The following ANK2 variants were observed in gnomAD, a reference collection of about 807,000 sequenced individuals.
ANK2 encodes the protein ankyrin 2.
Under a neutral mutation model 360.5 loss-of-function variants are expected in ANK2, and 83 were observed. The observed-to-expected ratio is 0.23, with a 90% CI of 0.19 to 0.28. The LOEUF (loss-of-function observed/expected upper bound fraction) is 0.28. ANK2 is among the 10% of genes least tolerant of loss of function. The pLI, the probability that ANK2 is intolerant of heterozygous loss-of-function variation, is 1.00. For synonymous variants in ANK2, 1,740 were observed against 1,759.5 expected (o/e 0.99, Z 0.28); for missense variants, 4,201 against 4,795.7 (o/e 0.88, Z 3.66).
chr4:113,203,701 T>C (rs1277061962), intron 4 of ANK2, among the ~76,000 whole-genome samples: 1 of 152,190 alleles, frequency 6.6e-6, no homozygotes, highest in Non-Finnish European at 1.5e-5. Context: ...TAGTGTGTTG[T>C]GTACATTATC....
intron 1 of ANK2, among the ~76,000 whole-genome samples, chr4:113,083,117 G>A (rs564367471): frequency 6.6e-6 from 1 of 151,702 alleles, no homozygotes; most frequent in Admixed American, 6.6e-5. Context: ...AAGTTTTAGG[G>A]TATATGTGCA....
At chr4:113,242,252 T>C (rs749867869) in intron 9 of ANK2, 43 bp downstream of exon 9, 5 of 1,567,056 alleles carry the variant, frequency 3.2e-6, no homozygotes, top group Non-Finnish European at 3.5e-6. Context: ...TTATTATTTC[T>C]TTCAAGCCTC....
At chr4:112,779,595 C>T in the ANK2 span, among the ~76,000 whole-genome samples, 1 of 152,160 alleles carries the variant, frequency 6.6e-6, no homozygotes. Flanking sequence ...TTCTTATTTA[C>T]TTACACAATG....
intron 4 of ANK2, among the ~76,000 whole-genome samples, chr4:113,226,823 C>T (rs1052173292): frequency 6.6e-6 from 1 of 152,198 alleles, no homozygotes; most frequent in Non-Finnish European, 1.5e-5. Context: ...ACCTGTTGGT[C>T]ACACCAGAAC....
At chr4:113,015,643 C>A (rs75263278) in intron 2 of ANK2, among the ~76,000 whole-genome samples, 9,811 of 152,212 alleles carry the variant, frequency 0.064, 340 homozygotes, top group East Asian at 0.12. Context: ...ATTTTCCATG[C>A]AAACTTCGTG....
rs2095955950 is a variant in ANK2, at chr4:113,358,415, A to T, written c.9797A>T (p.Tyr3266Phe). 1 of 1,613,958 alleles carries T rather than the reference A, an allele frequency of 6.2e-7. No individual in the cohort carries two copies. The highest frequency in any genetic ancestry group is 8.5e-7 in the Non-Finnish European group (1 of 1,179,972). The change falls in exon 38 of 46, where the codon TAT (tyrosine) becomes TTT (phenylalanine). Residue 3266 changes from tyrosine (Y) to phenylalanine (F), a missense_variant. Coordinates refer to ENST00000357077, the MANE Select transcript of ANK2 (RefSeq NM_001148.6). ...LDFSTLTRSVYSDRGDDSPDS... is the reference protein window; with the variant it reads ...LDFSTLTRSVFSDRGDDSPDS... ...TTTTCCACACTCACCAGGTCTGTTT[A>T]TTCAGATAGGGGTGATGATTCTCCC...
the ANK2 span, among the ~76,000 whole-genome samples, chr4:112,767,430 A>G: frequency 2.0e-5 from 3 of 152,114 alleles, no homozygotes; most frequent in South Asian, 2.1e-4. Flanking sequence ...GTGTGGTGGC[A>G]TGTGTCTGTA....
intron 14 of ANK2, 95 bp downstream of exon 14, chr4:113,265,090 AC>A: frequency 8.8e-7 from 1 of 1,139,912 alleles, no homozygotes; most frequent in Non-Finnish European, 1.3e-6. Flanking sequence ...ATTTGGAAAT[AC>A]CAGGGACTGT....
chr4:112,771,395 G>T, the ANK2 span, among the ~76,000 whole-genome samples: 1 of 152,312 alleles, frequency 6.6e-6, no homozygotes, highest in African/African-American at 2.4e-5. Flanking sequence ...TGGGATTACA[G>T]GCGTGAGCCA....
intron 1 of ANK2, among the ~76,000 whole-genome samples, chr4:113,119,456 A>G (rs1208727920): frequency 6.6e-6 from 1 of 152,064 alleles, no homozygotes; most frequent in Non-Finnish European, 1.5e-5. Context: ...TTACCTCATC[A>G]TCATACCTTA....
intron 17 of ANK2, among the ~76,000 whole-genome samples, chr4:113,281,779 T>G (rs1388249804): frequency 6.6e-6 from 1 of 152,210 alleles, no homozygotes; most frequent in East Asian, 1.9e-4. Context: ...TAGAGTTTTG[T>G]TCTTGTAAGC....
intron 1 of ANK2, among the ~76,000 whole-genome samples, chr4:112,832,172 C>T (rs1409913469): frequency 1.3e-5 from 2 of 152,226 alleles, no homozygotes; most frequent in Non-Finnish European, 2.9e-5. Context: ...CTGCCTCAGC[C>T]TCTTGAGTGG....
chr4:113,270,054 T>C (rs929227552), intron 14 of ANK2, among the ~76,000 whole-genome samples: 3 of 152,198 alleles, frequency 2.0e-5, no homozygotes, highest in African/African-American at 7.2e-5. Flanking sequence ...TGCCATAACA[T>C]TTTTCTGGTT....
At chr4:113,368,818 C>A (rs539361083) in intron 42 of ANK2, among the ~76,000 whole-genome samples, 15 of 151,882 alleles carry the variant, frequency 9.9e-5, no homozygotes, top group African/African-American at 3.6e-4. Flanking sequence ...GGAGAAGGAC[C>A]AAGGAAAAGA....
At chr4:112,817,149 A>C (rs2055725929), upstream of ANK2, among the ~76,000 whole-genome samples, 1 of 152,184 alleles carries the variant, frequency 6.6e-6, no homozygotes, top group Non-Finnish European at 1.5e-5. Flanking sequence ...GATTATTCTT[A>C]CCTTAAAGAT....
intron 2 of ANK2, chr4:112,979,923 A>G (rs1216784264): frequency 2.0e-5 from 3 of 152,096 alleles, no homozygotes; most frequent in African/African-American, 7.2e-5. Context: ...TCTGTCTGGA[A>G]CTGGTAGCCT....
chr4:113,322,909 T>A (rs1245203909), intron 26 of ANK2, among the ~76,000 whole-genome samples: 1 of 152,210 alleles, frequency 6.6e-6, no homozygotes, highest in Non-Finnish European at 1.5e-5. Context: ...GCCTAGGGTT[T>A]TTTTTAGATA....
rs773229153 is a variant in ANK2, at chr4:113,358,497, G to A, written c.9879G>A (p.Glu3293=). The A allele has an allele frequency of 1.2e-6, 2 of 1,614,090 alleles. No homozygotes were observed. Among genetic ancestry groups the A allele is most frequent in the South Asian group, 2.2e-5 (2 of 91,084 alleles). The part of the protein sequence containing the change: ...SVIEIPTAPM[E]NVPFTESKSK... ...TCGAGATTCCTACTGCACCCATGGAGAATGTGCCTTTTACTGAAAGCAAAT... is the reference window on the plus strand; with the variant it reads ...TCGAGATTCCTACTGCACCCATGGAAAATGTGCCTTTTACTGAAAGCAAAT... Residue 3293 remains glutamate (E), a synonymous_variant, in exon 38 of 46, where the codon GAG becomes GAA. Transcript: ENST00000357077.
At chr4:112,889,655 T>C (rs1423059905) in intron 1 of ANK2, among the ~76,000 whole-genome samples, 2 of 152,200 alleles carry the variant, frequency 1.3e-5, no homozygotes, top group East Asian at 3.8e-4. Context: ...AAGTAAAACA[T>C]GATACTTTCT....
Sources: gnomAD v4.1 joint callset for allele counts (sites outside exome capture counted in the v4.1 genomes callset) on GRCh38, gnomAD v4.1.1 for gene constraint, MANE v1.5 for transcripts, NCBI Gene and HGNC (gene_info 2026-07-23, HGNC 2026-07-21) for gene names.